Variants in IL13RA1 observed in about 807,000 individuals in gnomAD.
IL13RA1 encodes interleukin-13 receptor subunit alpha-1.
Under a neutral mutation model 33.8 loss-of-function variants are expected in IL13RA1, and 14 were observed. The observed-to-expected ratio is 0.41, with a 90% CI of 0.27 to 0.65. IL13RA1 has a LOEUF of 0.65. IL13RA1 is among the 30% of genes least tolerant of loss of function. The pLI, the probability that IL13RA1 is intolerant of heterozygous loss-of-function variation, is 0.28. For missense variants in IL13RA1, 313 were observed against 327.0 expected (o/e 0.96, Z 0.33); for synonymous variants, 116 against 115.7 (o/e 1.00, Z -0.02).
chrX:118,740,110 T>C (rs1291192597), intron 1 of IL13RA1, among the ~76,000 whole-genome samples: 1 of 112,117 alleles, frequency 8.9e-6, no homozygotes, highest in Non-Finnish European at 1.9e-5. Context: ...ACTATAGGCA[T>C]GTACCAGCAT....
chrX:118,781,092 T>C (rs1362641689), intron 10 of IL13RA1, among the ~76,000 whole-genome samples: 1 of 111,079 alleles, frequency 9.0e-6, no homozygotes, highest in Non-Finnish European at 1.9e-5. Flanking sequence ...GTTGCTTTGC[T>C]ATTTGCCTTT....
At chrX:118,770,806 A>G (rs898990041) in intron 8 of IL13RA1, 17 of 308,313 alleles carry the variant, frequency 5.5e-5, no homozygotes, top group South Asian at 3.7e-4. Context: ...CATGCTGGTC[A>G]TCTACATTAG....
At chrX:118,790,768 C>T (rs776832237) in intron 10 of IL13RA1, among the ~76,000 whole-genome samples, 4 of 111,941 alleles carry the variant, frequency 3.6e-5, no homozygotes, top group Non-Finnish European at 7.5e-5. Flanking sequence ...CTTAACTTGC[C>T]CAGTCCATCT....
At chrX:118,730,313 G>A (rs763339105) in intron 1 of IL13RA1, among the ~76,000 whole-genome samples, 1 of 111,991 alleles carries the variant, frequency 8.9e-6, no homozygotes, top group Non-Finnish European at 1.9e-5. Context: ...AAAAAGAAGC[G>A]AATGATACTA....
At chrX:118,733,271 G>T (rs2017243737) in intron 1 of IL13RA1, among the ~76,000 whole-genome samples, 1 of 111,860 alleles carries the variant, frequency 8.9e-6, no homozygotes, top group Non-Finnish European at 1.9e-5. Context: ...GTGCACCGGG[G>T]TTTGAATTTT....
intron 6 of IL13RA1, among the ~76,000 whole-genome samples, chrX:118,764,480 GT>G (rs762298103): frequency 3.8e-5 from 4 of 105,486 alleles, no homozygotes; most frequent in East Asian, 3.0e-4. Context: ...CCTGAGTGGG[GT>G]TTTTTTTTTC....
intron 1 of IL13RA1, among the ~76,000 whole-genome samples, chrX:118,730,277 G>A (rs1192960164): frequency 8.9e-6 from 1 of 112,194 alleles, no homozygotes; most frequent in Non-Finnish European, 1.9e-5. Context: ...CAGCCTGGGC[G>A]ACAGAGCAAG....
intron 10 of IL13RA1, among the ~76,000 whole-genome samples, chrX:118,784,547 A>T (rs2017895596): frequency 9.0e-6 from 1 of 111,557 alleles, no homozygotes; most frequent in African/African-American, 3.3e-5. Flanking sequence ...GTTGTTGAAC[A>T]TCTCCATTGT....
Position 118,793,366 on chromosome X carries a change from A to G in IL13RA1, c.*1512A>G, listed in dbSNP as rs2017997939. The G allele has an allele frequency of 3.6e-5, 4 of 112,119 alleles. No individual in the cohort carries two copies. The highest frequency in any genetic ancestry group is 7.5e-5 in the Non-Finnish European group (4 of 53,165). The allele number at this position is 112,119 out of a possible 1,213,427, so 9.2% of individuals were successfully genotyped here. On this transcript the variant is annotated 3_prime_UTR_variant, in exon 11 of 11. Transcript: ENST00000371666. ...TGAGAAAAAAAGAATAGTTGAACCT[A>G]TTTCTCTTTCTTTACAAGATGGGTC...
Position 118,749,697 on chromosome X carries a change from G to A in IL13RA1, c.407G>A (p.Trp136Ter). The A allele has an allele frequency of 8.4e-7, 1 of 1,194,256 alleles. No individual in the cohort carries two copies. The highest frequency in any genetic ancestry group is 1.8e-5 in the South Asian group (1 of 56,554). ...ESAVTELQCI[W>*]HNLSYMKCSW... ...GCTGTGACTGAGCTTCAATGCATTT[G>A]GCACAACCTGAGCTACATGAAGTGT... Residue 136 changes from tryptophan (W) to a stop codon, truncating the protein, a stop_gained, in exon 4 of 11, where the codon TGG (tryptophan) becomes TAG (stop). Coordinates refer to ENST00000371666, the MANE Select transcript of IL13RA1 (RefSeq NM_001560.3). LOFTEE classifies it high-confidence loss of function.
intron 1 of IL13RA1, among the ~76,000 whole-genome samples, chrX:118,736,150 A>G (rs1321913771): frequency 1.8e-5 from 2 of 110,318 alleles, no homozygotes; most frequent in Non-Finnish European, 3.8e-5. Flanking sequence ...CTTTATTGGT[A>G]TTTTCATTTT....
At chrX:118,795,211 CAAAAAAA>C (rs1222782237), downstream of IL13RA1, among the ~76,000 whole-genome samples, 2 of 27,002 alleles carry the variant, frequency 7.4e-5, no homozygotes, top group Admixed American at 4.6e-4. Flanking sequence ...GACTCCGTCT[CAAAAAAA>C]AAAAAAAAAA....
intron 10 of IL13RA1, among the ~76,000 whole-genome samples, chrX:118,783,163 A>G (rs2017864581): frequency 8.9e-6 from 1 of 111,832 alleles, no homozygotes; most frequent in South Asian, 3.7e-4. Flanking sequence ...TCATTGTACT[A>G]CCAAATTTAT....
chrX:118,732,806 G>A, intron 1 of IL13RA1, among the ~76,000 whole-genome samples: 1 of 111,793 alleles, frequency 8.9e-6, no homozygotes, highest in Non-Finnish European at 1.9e-5. Flanking sequence ...GTCTATCATT[G>A]TTGGACATTT....
chrX:118,795,899 C>A (rs1484773275), downstream of IL13RA1, among the ~76,000 whole-genome samples: 2 of 112,393 alleles, frequency 1.8e-5, no homozygotes, highest in South Asian at 3.7e-4. Context: ...TTCTTTTAAA[C>A]CCTAACGGTT....
chrX:118,796,798 A>G (rs933600603), downstream of IL13RA1, among the ~76,000 whole-genome samples: 1 of 112,593 alleles, frequency 8.9e-6, no homozygotes, highest in Non-Finnish European at 1.9e-5. Context: ...GGCCTCCCAA[A>G]GTGCTGGGAT....
At chrX:118,750,982 T>C (rs985072296) in intron 4 of IL13RA1, among the ~76,000 whole-genome samples, 4 of 110,843 alleles carry the variant, frequency 3.6e-5, no homozygotes, top group Non-Finnish European at 5.7e-5. Flanking sequence ...AATTTTTGTA[T>C]TTTTGGTAGA....
intron 4 of IL13RA1, among the ~76,000 whole-genome samples, chrX:118,757,407 G>A (rs2017541735): frequency 9.4e-6 from 1 of 106,822 alleles, no homozygotes; most frequent in Non-Finnish European, 1.9e-5. Context: ...GTGTGTGCCT[G>A]TAATCCCAGC....
In IL13RA1 at chrX:118,772,365, A is replaced by C. The variant is rs1031491084; in HGVS notation, c.1010-1514A>C. Among the ~76,000 whole-genome samples the C allele has an allele frequency of 1.7e-4, 19 of 112,646 alleles. No homozygotes were observed. In the Admixed American group the frequency reaches 1.8e-3, roughly 11 times the overall value. On this transcript the variant is annotated intron_variant, in intron 8 of 10. Transcript: ENST00000371666. ...TTTTTTATGTTTTCCAATGAGATAC[A>C]TTTGTAGTAATCATATTTGAAACAA...
Sources: allele counts gnomAD v4.1 joint callset (sites outside exome capture counted in the v4.1 genomes callset), GRCh38; gene constraint gnomAD v4.1.1; transcripts MANE v1.5; gene names NCBI Gene and HGNC (gene_info 2026-07-23, HGNC 2026-07-21).